The following LAPTM4B variants were observed in gnomAD, a reference collection of about 807,000 sequenced individuals.
LAPTM4B encodes the protein lysosomal-associated transmembrane protein 4B.
LAPTM4B carries 26 observed loss-of-function variants against 28.5 expected under a neutral mutation model. The observed-to-expected ratio is 0.91, with a 90% CI of 0.67 to 1.27. LAPTM4B has a LOEUF of 1.27. Among genes scored for constraint, LAPTM4B ranks in the 50% most tolerant of loss-of-function variants. LAPTM4B has a pLI of 0.00. For synonymous variants in LAPTM4B, 109 were observed against 106.4 expected (o/e 1.02, Z -0.15); for missense variants, 288 against 285.8 (o/e 1.01, Z -0.06).
chr8:97,780,047 T>C lies in LAPTM4B; in HGVS notation c.99+3939T>C, dbSNP rs558189480. 5.0e-3 allele frequency among the ~76,000 whole-genome samples: 368 copies of C among 74,268 alleles called. 5 individuals carry two copies. Among genetic ancestry groups the C allele is most frequent in the African/African-American group, 0.02 (343 of 17,280 alleles). 48.7% of individuals were successfully genotyped at this position (74,268 alleles called of 152,430 possible). On this transcript the variant is annotated intron_variant, in intron 1 of 6. Transcript: ENST00000521545. ...GCTTGGGCAACAGAGTGAGACTCTG[T>C]CTCAAAAAAAAAAAAAAAAAAGAAA...
chr8:97,844,453 C>T (rs1262348228), intron 6 of LAPTM4B, among the ~76,000 whole-genome samples: 5 of 152,152 alleles, frequency 3.3e-5, no homozygotes, highest in African/African-American at 1.2e-4. Flanking sequence ...GCAGTGAGCT[C>T]ATGCTTGTGG....
chr8:97,818,897 A>G (rs1586334877), intron 4 of LAPTM4B, among the ~76,000 whole-genome samples: 1 of 151,640 alleles, frequency 6.6e-6, no homozygotes, highest in African/African-American at 2.4e-5. Context: ...GGAATGGTTC[A>G]GAACTTGCAG....
chr8:97,806,451 T>C (rs1816756189), intron 2 of LAPTM4B, among the ~76,000 whole-genome samples: 1 of 152,122 alleles, frequency 6.6e-6, no homozygotes, highest in Admixed American at 6.5e-5. Context: ...TTTTAGGAGA[T>C]GACCTGCATC....
chr8:97,841,968 G>A (rs371385861), intron 6 of LAPTM4B, among the ~76,000 whole-genome samples: 1 of 152,202 alleles, frequency 6.6e-6, no homozygotes, highest in South Asian at 2.1e-4. Context: ...ACTGCTTGGA[G>A]ACTGTACTTT....
At chr8:97,798,176 G>T (rs1816620304) in intron 1 of LAPTM4B, among the ~76,000 whole-genome samples, 1 of 152,116 alleles carries the variant, frequency 6.6e-6, no homozygotes, top group African/African-American at 2.4e-5. Flanking sequence ...GCTCTTTCAG[G>T]AAGTTCTTAC....
intron 6 of LAPTM4B, among the ~76,000 whole-genome samples, chr8:97,834,263 C>T (rs1817228027): frequency 6.6e-6 from 1 of 151,986 alleles, no homozygotes; most frequent in Non-Finnish European, 1.5e-5. Context: ...GTGATCGTGC[C>T]ACTGCACTCC....
intron 1 of LAPTM4B, among the ~76,000 whole-genome samples, chr8:97,800,530 TTTG>T (rs1816657871): frequency 7.3e-6 from 1 of 136,460 alleles, no homozygotes; most frequent in Non-Finnish European, 1.5e-5. Context: ...AGTTTTCGCT[TTTG>T]TTGCCCAGGC....
At chr8:97,846,351 G>A (rs12114427) in intron 6 of LAPTM4B, among the ~76,000 whole-genome samples, 25,459 of 131,934 alleles carry the variant, frequency 0.19, 2,295 homozygotes, top group Middle Eastern at 0.26. Context: ...TTTTTGAGAT[G>A]GAGTTTCGCT....
chr8:97,804,004 C>T (rs1247293453), intron 1 of LAPTM4B, among the ~76,000 whole-genome samples: 1 of 152,232 alleles, frequency 6.6e-6, no homozygotes, highest in African/African-American at 2.4e-5. Context: ...AGGCTTTTCT[C>T]TGTGTATCTT....
intron 6 of LAPTM4B, among the ~76,000 whole-genome samples, chr8:97,833,268 A>AACCTGGGAGGTTCG (rs1817212281): frequency 4.0e-5 from 6 of 151,326 alleles, no homozygotes; most frequent in Admixed American, 2.6e-4. Flanking sequence ...TGGGAGGTTC[A>AACCTGGGAGGTTCG]CTTGAACCTG....
At chr8:97,811,737 A>T (rs17753886) in intron 2 of LAPTM4B, among the ~76,000 whole-genome samples, 3,979 of 152,262 alleles carry the variant, frequency 0.026, 102 homozygotes, top group Non-Finnish European at 0.044. Context: ...GACAGCCTTG[A>T]GGAAATAGAA....
At chr8:97,840,524 T>TTA (rs1817328941) in intron 6 of LAPTM4B, among the ~76,000 whole-genome samples, 1 of 152,160 alleles carries the variant, frequency 6.6e-6, no homozygotes, top group South Asian at 2.1e-4. Context: ...AAAAATGTGT[T>TTA]TATATTCTCA....
intron 6 of LAPTM4B, among the ~76,000 whole-genome samples, chr8:97,848,702 C>T (rs1231798642): frequency 6.6e-6 from 1 of 152,160 alleles, no homozygotes; most frequent in Admixed American, 6.5e-5. Flanking sequence ...GATAATTTAT[C>T]TAAAGATAAG....
chr8:97,785,152 C>T (rs1159057595), intron 1 of LAPTM4B, among the ~76,000 whole-genome samples: 3 of 151,490 alleles, frequency 2.0e-5, no homozygotes, highest in Non-Finnish European at 2.9e-5. Context: ...GTGGTGCCAT[C>T]TCGGTTCCCT....
At chr8:97,839,188 T>G (rs1375534361) in intron 6 of LAPTM4B, among the ~76,000 whole-genome samples, 2 of 152,186 alleles carry the variant, frequency 1.3e-5, no homozygotes, top group African/African-American at 2.4e-5. Flanking sequence ...CCAACAATTT[T>G]TTTTGTTTTG....
intron 5 of LAPTM4B, among the ~76,000 whole-genome samples, chr8:97,819,490 A>G (rs561213784): frequency 1.3e-5 from 2 of 152,298 alleles, no homozygotes; most frequent in South Asian, 4.1e-4. Flanking sequence ...ATTACATAGT[A>G]TATGATATTG....
chr8:97,844,199 C>T (rs933695917), intron 6 of LAPTM4B, among the ~76,000 whole-genome samples: 2 of 151,972 alleles, frequency 1.3e-5, no homozygotes, highest in Non-Finnish European at 2.9e-5. Context: ...CTCAAGTGAT[C>T]CTCCTACCCC....
At chr8:97,776,130 C>A in intron 1 of LAPTM4B, 22 bp downstream of exon 1, 4 of 1,486,120 alleles carry the variant, frequency 2.7e-6, no homozygotes, top group Non-Finnish European at 3.6e-6. Flanking sequence ...GCGCCCGGCC[C>A]GGGACCCTGC....
At chr8:97,834,927 C>A (rs1427426299) in intron 6 of LAPTM4B, among the ~76,000 whole-genome samples, 2 of 152,146 alleles carry the variant, frequency 1.3e-5, no homozygotes, top group Non-Finnish European at 2.9e-5. Context: ...CTTTTTAAAG[C>A]AGGGCTCTGC....
Sources: gnomAD v4.1 joint callset for allele counts (sites outside exome capture counted in the v4.1 genomes callset) on GRCh38, gnomAD v4.1.1 for gene constraint, MANE v1.5 for transcripts, NCBI Gene and HGNC (gene_info 2026-07-23, HGNC 2026-07-21) for gene names.